Variants in CNKSR2 observed in about 807,000 individuals in gnomAD.
CNKSR2 encodes connector enhancer of kinase suppressor of Ras 2.
Under a neutral mutation model 84.4 loss-of-function variants are expected in CNKSR2, and 14 were observed. The ratio of observed to expected loss-of-function variants is 0.17; its 90% CI spans 0.11 to 0.26. The LOEUF (loss-of-function observed/expected upper bound fraction) is 0.26, where lower values mean the gene tolerates loss of function less well. Among genes scored for constraint, CNKSR2 ranks in the 10% least tolerant of loss-of-function variants. The pLI is 1.00. For synonymous variants in CNKSR2, 275 were observed against 277.9 expected, an observed-to-expected ratio of 0.99 and a Z score of 0.10; for missense variants, 485 against 771.2, an observed-to-expected ratio of 0.63 and a Z score of 4.40.
At chrX:21,393,780 G>A (rs2090083882) in intron 1 of CNKSR2, among the ~76,000 whole-genome samples, 1 of 112,441 alleles carries the variant, frequency 8.9e-6, no homozygotes, top group Non-Finnish European at 1.9e-5. Context: ...CCACTGTCTT[G>A]TAGGCTGCTA....
At chrX:21,388,746 A>G (rs935597261) in intron 1 of CNKSR2, among the ~76,000 whole-genome samples, 5 of 111,646 alleles carry the variant, frequency 4.5e-5, no homozygotes, top group Non-Finnish European at 9.4e-5. Context: ...TCATTTATAT[A>G]CATACTCCCT....
chrX:21,494,794 T>G (rs1418961352), intron 6 of CNKSR2: 3 of 111,685 alleles, frequency 2.7e-5, no homozygotes, highest in African/African-American at 9.8e-5. Context: ...ACAGGTAAAA[T>G]CAAAATGCAC....
At chrX:21,442,208 CT>C (rs2090793243) in intron 4 of CNKSR2, among the ~76,000 whole-genome samples, 1 of 109,707 alleles carries the variant, frequency 9.1e-6, no homozygotes, top group Non-Finnish European at 1.9e-5. Context: ...TTCCGCCCCC[CT>C]CCCCAACACT....
intron 1 of CNKSR2, among the ~76,000 whole-genome samples, chrX:21,376,864 T>G (rs949553478): frequency 9.0e-6 from 1 of 111,701 alleles, no homozygotes; most frequent in Non-Finnish European, 1.9e-5. Flanking sequence ...GTTATATTCT[T>G]GCAGTTTCCC....
In CNKSR2 at chrX:21,419,964, G is replaced by A. The variant is rs974890472; in HGVS notation, c.65-6533G>A. Among the ~76,000 whole-genome samples the A allele has an allele frequency of 9.8e-5, 11 of 112,590 alleles. No individual in the cohort carries two copies. In the East Asian group the frequency reaches 2.5e-3, roughly 26 times the overall value. Reference sequence around the variant, plus strand: ...AGCAAATGCCAAAGCCAGTGGGCTTGTGTTCTTCCCTTCAGGGCAGCAATT... The same window carrying A: ...AGCAAATGCCAAAGCCAGTGGGCTTATGTTCTTCCCTTCAGGGCAGCAATT... On this transcript the variant is annotated intron_variant, in intron 1 of 21. Coordinates refer to ENST00000379510, the MANE Select transcript of CNKSR2 (RefSeq NM_014927.5).
chrX:21,479,838 G>A (rs185155600), intron 5 of CNKSR2, among the ~76,000 whole-genome samples: 1 of 109,921 alleles, frequency 9.1e-6, no homozygotes, highest in Admixed American at 9.7e-5. Context: ...ATGATGCTGT[G>A]AGTAAGAGGT....
intron 2 of CNKSR2, among the ~76,000 whole-genome samples, 173 bp from the exon 3 acceptor site, chrX:21,432,439 A>T (rs999303982): frequency 9.0e-6 from 1 of 111,555 alleles, no homozygotes; most frequent in Admixed American, 9.6e-5. Context: ...TTTATATGAC[A>T]TCTTCCCAAA....
intron 5 of CNKSR2, among the ~76,000 whole-genome samples, chrX:21,473,389 A>G (rs1026350387): frequency 2.7e-5 from 3 of 112,120 alleles, no homozygotes; most frequent in Non-Finnish European, 3.8e-5. Context: ...ATAATAAAAT[A>G]GTATACAGTA....
At position 21,449,158 on chromosome X, in the gene CNKSR2, G is replaced by C. The variant is rs148752860; in HGVS notation, c.519+8377G>C. 9.4e-3 allele frequency among the ~76,000 whole-genome samples: 1,032 copies of C among 109,792 alleles called. 12 individuals carry two copies. Among genetic ancestry groups the C allele is most frequent in the African/African-American group, 0.031 (948 of 30,170 alleles). ...GTCTCTACTAAAATTACAAAAATTA[G>C]CCAGGCATGGTGGTTCATGCCTGTA... is the stretch of plus-strand genomic sequence containing the variant. On this transcript the variant is annotated intron_variant, in intron 4 of 21. Transcript: ENST00000379510.
At chrX:21,495,649 G>C (rs1341063653) in intron 6 of CNKSR2, 1 of 105,632 alleles carries the variant, frequency 9.5e-6, no homozygotes, top group Non-Finnish European at 1.9e-5. Flanking sequence ...TGGGCGTGGT[G>C]GTGAGCGCCT....
intron 4 of CNKSR2, among the ~76,000 whole-genome samples, chrX:21,466,568 T>C (rs780685133): frequency 9.3e-4 from 104 of 111,551 alleles, no homozygotes; most frequent in African/African-American, 3.0e-3. Flanking sequence ...ATATGCATTC[T>C]CTCTGTTTGG....
chrX:21,375,204 G>C (rs759208799), intron 1 of CNKSR2, among the ~76,000 whole-genome samples: 22 of 113,039 alleles, frequency 1.9e-4, no homozygotes, highest in African/African-American at 6.7e-4. Context: ...CCACCCCGTT[G>C]GAGGCAGGAA....
intron 4 of CNKSR2, among the ~76,000 whole-genome samples, chrX:21,467,233 A>G (rs1010818287): frequency 3.6e-5 from 4 of 111,497 alleles, no homozygotes; most frequent in Non-Finnish European, 3.8e-5. Context: ...TCGAAATACC[A>G]TCTTTATAAA....
chrX:21,582,435 A>G (rs1321270840), intron 13 of CNKSR2, among the ~76,000 whole-genome samples: 1 of 111,766 alleles, frequency 8.9e-6, no homozygotes, highest in East Asian at 2.8e-4. Flanking sequence ...TGCCAGAAGC[A>G]CTTTTTCTCT....
At chrX:21,566,021 G>A (rs186616733) in intron 13 of CNKSR2, among the ~76,000 whole-genome samples, 31 of 111,771 alleles carry the variant, frequency 2.8e-4, no homozygotes, top group African/African-American at 5.5e-4. Context: ...GGGTCTTTCC[G>A]CACTCTATCC....
intron 20 of CNKSR2, among the ~76,000 whole-genome samples, chrX:21,630,132 G>T (rs946087135): frequency 8.9e-6 from 1 of 112,048 alleles, no homozygotes; most frequent in African/African-American, 3.3e-5. Flanking sequence ...TAAAGTCAAA[G>T]ACATTTTAGT....
chrX:21,399,353 A>G (rs968636748), intron 1 of CNKSR2, among the ~76,000 whole-genome samples: 3 of 111,509 alleles, frequency 2.7e-5, no homozygotes, highest in Non-Finnish European at 5.7e-5. Context: ...CCTTATAGGT[A>G]TTTTTTATAT....
chrX:21,559,161 G>A (rs769671184), intron 11 of CNKSR2, among the ~76,000 whole-genome samples: 2 of 110,454 alleles, frequency 1.8e-5, no homozygotes, highest in Non-Finnish European at 3.8e-5. Context: ...GTGAGACCTC[G>A]GTTCTTCTTA....
In CNKSR2 at chrX:21,630,152, T is replaced by C. The variant is rs751601009; in HGVS notation, c.2693-18679T>C. ...TCAAAGACATTTTAGTGATTTATCT[T>C]TTTTATAAAGATATGCCACATAGTC... On this transcript the variant is annotated intron_variant, in intron 20 of 21. Coordinates refer to ENST00000379510, the MANE Select transcript of CNKSR2 (RefSeq NM_014927.5). 6.2e-5 allele frequency among the ~76,000 whole-genome samples: 7 copies of C among 112,600 alleles called. No individual in the cohort carries two copies. The South Asian group carries it at 2.6e-3, about 42-fold the overall frequency.
Sources: gnomAD v4.1 joint callset for allele counts (sites outside exome capture counted in the v4.1 genomes callset) on GRCh38, gnomAD v4.1.1 for gene constraint, MANE v1.5 for transcripts, NCBI Gene and HGNC (gene_info 2026-07-23, HGNC 2026-07-21) for gene names.